The following DDX56 variants were observed in gnomAD, a reference collection of about 807,000 sequenced individuals.
The protein encoded by DDX56 is DEAD-box helicase 56.
In DDX56, 45 loss-of-function variants were observed where a neutral mutation model predicts 61.5. The observed-to-expected ratio is 0.73, with a 90% CI of 0.58 to 0.94. The LOEUF (loss-of-function observed/expected upper bound fraction) is 0.94. DDX56 is among the 40% of genes least tolerant of loss of function. The pLI, the probability that DDX56 is intolerant of heterozygous loss-of-function variation, is 0.00. For missense variants in DDX56, 708 were observed against 690.7 expected (o/e 1.02, Z -0.28); for synonymous variants, 273 against 268.3 (o/e 1.02, Z -0.17).
At chr7:44,566,128 A>G in intron 13 of DDX56, 49 bp from the exon 14 acceptor site, 1 of 1,269,120 alleles carries the variant, frequency 7.9e-7, no homozygotes, top group Non-Finnish European at 1.1e-6. Flanking sequence ...GCCGACAGAC[A>G]ATCCACCCAC....
At chr7:44,571,360 T>G in intron 6 of DDX56, 132 bp downstream of exon 6, 1 of 1,058,550 alleles carries the variant, frequency 9.4e-7, no homozygotes, top group East Asian at 2.4e-5. Flanking sequence ...TATTTTGGAG[T>G]TGGGAGAAGT....
chr7:44,566,595 G>T, intron 12 of DDX56, 71 bp from the exon 13 acceptor site: 1 of 1,283,288 alleles, frequency 7.8e-7, no homozygotes, highest in African/African-American at 1.5e-5. Flanking sequence ...CGCTGATTCT[G>T]CAGCAAATTC....
rs189226176 is a variant in DDX56 at position 44,565,888 on chromosome 7, C to T, written c.*114G>A. On this transcript the variant is annotated 3_prime_UTR_variant, in exon 14 of 14. Coordinates refer to ENST00000258772, the MANE Select transcript of DDX56 (RefSeq NM_019082.4). ...AAGGAGCTAAAGGGCCCAGCACTGCCGGCCCCAGAACTGTCTGTTCAGGCT... is the reference window on the plus strand; with the variant it reads ...AAGGAGCTAAAGGGCCCAGCACTGCTGGCCCCAGAACTGTCTGTTCAGGCT... 1.0e-3 allele frequency: 856 copies of T among 830,848 alleles called. No individual in the cohort carries two copies. The highest frequency in any genetic ancestry group is 2.4e-3 in the Middle Eastern group (7 of 2,940). 51.5% of individuals were successfully genotyped at this position (830,848 alleles called of 1,614,324 possible). A position where few individuals can be genotyped will look rare whatever the true frequency, so the allele number is the denominator to read the frequency against.
chr7:44,571,534 A>T lies in DDX56; in HGVS notation c.848T>A (p.Ile283Asn). ...CTCTCCATTGAGCACACAGGTGGGG[A>T]TGCTGAACTGTTCCAAGAACAGGCG... ...RLRLFLEQFS[I>N]PTCVLNGELP... Residue 283 changes from isoleucine (I) to asparagine (N), a missense_variant, in exon 6 of 14, where the codon ATC becomes AAC. Transcript: ENST00000258772. 2 of 1,614,100 alleles carry T rather than the reference A, an allele frequency of 1.2e-6. No individual in the cohort carries two copies.
Position 44,573,762 on chromosome 7 carries a change from C to T in DDX56, c.61-18G>A, listed in dbSNP as rs1475210067. On this transcript the variant is annotated intron_variant, in intron 1 of 13. Transcript: ENST00000258772. ...GTGACAGCCTAGGAGACCAGGAGTG[C>T]GGTTTAAGCGGCGTGAAGAGCGATG... 1.9e-6 allele frequency: 3 copies of T among 1,613,292 alleles called. No homozygotes were observed. The highest frequency in any genetic ancestry group is 2.5e-6 in the Non-Finnish European group (3 of 1,179,950).
Position 44,565,960 on chromosome 7 carries a change from TGTGC to T in DDX56, c.*38_*41del. The T allele has an allele frequency of 6.8e-7, 1 of 1,470,306 alleles. No homozygotes were observed. Among genetic ancestry groups the T allele is most frequent in the Non-Finnish European group, 9.5e-7 (1 of 1,054,420 alleles). The allele number at this position is 1,470,306 out of a possible 1,614,324, so 91.1% of individuals were successfully genotyped here. On this transcript the variant is annotated 3_prime_UTR_variant, in exon 14 of 14. Coordinates refer to ENST00000258772, the MANE Select transcript of DDX56 (RefSeq NM_019082.4). ...CGCCTGTCCACGAAGGGTGTAAGCC[TGTGC>T]TCCACAATGTGCTCAGCTCCAGAGA...
At chr7:44,569,941 G>C (rs759040309) in intron 8 of DDX56, 38 bp from the exon 9 acceptor site, 2 of 1,611,056 alleles carry the variant, frequency 1.2e-6, no homozygotes, top group African/African-American at 1.3e-5. Flanking sequence ...TCTCCAACCC[G>C]CAGGCTCTGT....
At chr7:44,569,758 T>C (rs377296603) in intron 9 of DDX56, 51 bp downstream of exon 9, 15 of 1,463,762 alleles carry the variant, frequency 1.0e-5, no homozygotes, top group Non-Finnish European at 1.3e-5. Context: ...TTTTAAAGCA[T>C]TGTGGAAGAA....
intron 9 of DDX56, among the ~76,000 whole-genome samples, 168 bp from the exon 10 acceptor site, chr7:44,569,371 C>T (rs2289052): frequency 0.073 from 11,059 of 152,320 alleles, 506 homozygotes; most frequent in East Asian, 0.12. Context: ...ACAGTGATGA[C>T]CCATCTGTCC....
chr7:44,566,406 G>C (rs748760711), intron 13 of DDX56, 42 bp downstream of exon 13: 3 of 1,469,270 alleles, frequency 2.0e-6, no homozygotes, highest in Non-Finnish European at 2.8e-6. Flanking sequence ...AGAGCAGGTT[G>C]GGAGGAGTCC....
At position 44,570,868 on chromosome 7, in the gene DDX56, G is replaced by C; in HGVS notation, c.900C>G (p.Ile300Met). The change falls in exon 7 of 14, where the codon ATC becomes ATG. Residue 300 changes from isoleucine to methionine, a missense_variant. By Grantham distance (10) the Ile-to-Met change is conservative. Coordinates refer to ENST00000258772, the MANE Select transcript of DDX56 (RefSeq NM_019082.4). ...GELPLRSRCH[I>M]ISQFNQGFYD... ...AGAAGCCTTGGTTGAACTGTGAGAT[G>C]ATGTGGCACCTGCAGCCAAGAGCGG... The C allele has an allele frequency of 6.2e-7, 1 of 1,612,292 alleles. No individual in the cohort carries two copies. The highest frequency in any genetic ancestry group is 8.5e-7 in the Non-Finnish European group (1 of 1,178,518).
Position 44,573,566 on chromosome 7 carries a change from G to T in DDX56, c.222+17C>A. On this transcript the variant is annotated intron_variant, in intron 2 of 13. Coordinates refer to ENST00000258772, the MANE Select transcript of DDX56 (RefSeq NM_019082.4). Reference sequence around the variant, plus strand: ...GGAGCTTGCCTCCTTCCTCCCCTCAGCTCTCTCGTTACCCACCGCCTTCCT... The same window carrying T: ...GGAGCTTGCCTCCTTCCTCCCCTCATCTCTCTCGTTACCCACCGCCTTCCT... 6.2e-7 allele frequency: 1 copy of T among 1,611,318 alleles called. No individual in the cohort carries two copies.
intron 6 of DDX56, 113 bp from the exon 7 acceptor site, chr7:44,570,990 T>C: frequency 1.5e-6 from 2 of 1,308,066 alleles, no homozygotes; most frequent in Non-Finnish European, 2.1e-6. Flanking sequence ...TCTTAATCTC[T>C]TTCCCTACTT....
At chr7:44,570,628 C>T (rs1802646299) in intron 7 of DDX56, 130 bp downstream of exon 7, 3 of 1,272,862 alleles carry the variant, frequency 2.4e-6, no homozygotes, top group South Asian at 3.0e-5. Flanking sequence ...CTGTGGGGCT[C>T]TCTGGGCTAC....
At position 44,570,109 on chromosome 7, in the gene DDX56, C is replaced by G. The variant is rs758156997; in HGVS notation, c.1030G>C (p.Gly344Arg). The G allele has an allele frequency of 1.9e-6, 3 of 1,613,994 alleles. No homozygotes were observed. Among genetic ancestry groups the G allele is most frequent in the Non-Finnish European group, 2.5e-6 (3 of 1,180,044 alleles). Residue 344 changes from glycine to arginine, a missense_variant, in exon 8 of 14, where the codon GGT becomes CGT. Transcript: ENST00000258772. ...KGDKASDPEA[G>R]VARGIDFHHV... ...TGGAAGTCTATGCCCCGGGCCACAC[C>G]TGCTTCCGGATCAGAGGCCCTGCAG...
Position 44,565,843 on chromosome 7 carries a change from G to A in DDX56, c.*159C>T, listed in dbSNP as rs1169797187. 39 of 649,224 alleles carry A rather than the reference G, an allele frequency of 6.0e-5. No individual in the cohort carries two copies. The highest frequency in any genetic ancestry group is 5.7e-4 in the South Asian group (33 of 58,000). The allele number at this position is 649,224 out of a possible 1,614,324, so 40.2% of individuals were successfully genotyped here. A position where few individuals can be genotyped will look rare whatever the true frequency, so the allele number is the denominator to read the frequency against. On this transcript the variant is annotated 3_prime_UTR_variant, in exon 14 of 14. Coordinates refer to ENST00000258772, the MANE Select transcript of DDX56 (RefSeq NM_019082.4). ...TTTTTATTCTGTTGTCAAGGGGCAA[G>A]ATGCCAGCTTGGAAGTGCCAAGGAG...
chr7:44,567,773 C>T (rs1435793482), intron 12 of DDX56: 2 of 362,080 alleles, frequency 5.5e-6, no homozygotes, highest in East Asian at 1.5e-4. Context: ...TGCCTCCTGC[C>T]CGTGACTCTC....
chr7:44,572,218 G>A, intron 5 of DDX56, 129 bp downstream of exon 5: 3 of 724,178 alleles, frequency 4.1e-6, no homozygotes, highest in Non-Finnish European at 7.1e-6. Flanking sequence ...TAGTGCCTCA[G>A]GACCAGGGAT....
chr7:44,571,957 C>A (rs1029145626), intron 5 of DDX56, among the ~76,000 whole-genome samples: 7 of 152,120 alleles, frequency 4.6e-5, no homozygotes, highest in Non-Finnish European at 1.0e-4. Flanking sequence ...TAAAATACTT[C>A]CAAGCACAGA....
Sources: gnomAD v4.1 joint callset for allele counts (sites outside exome capture counted in the v4.1 genomes callset) on GRCh38, gnomAD v4.1.1 for gene constraint, MANE v1.5 for transcripts, NCBI Gene and HGNC (gene_info 2026-07-23, HGNC 2026-07-21) for gene names.